The following ZSCAN2 variants were observed in gnomAD, a reference collection of about 807,000 sequenced individuals.
ZSCAN2 encodes the protein zinc finger and SCAN domain containing 2.
Under a neutral mutation model 47.8 loss-of-function variants are expected in ZSCAN2, and 26 were observed. The ratio of observed to expected loss-of-function variants is 0.54; its 90% confidence interval spans 0.40 to 0.75. ZSCAN2 has a LOEUF of 0.75. Among genes scored for constraint, ZSCAN2 ranks in the 30% least tolerant of loss-of-function variants. ZSCAN2 has a pLI of 0.00. For synonymous variants in ZSCAN2, 305 were observed against 288.7 expected (o/e 1.06, Z -0.57); for missense variants, 732 against 785.4 (o/e 0.93, Z 0.81).
In ZSCAN2 at chr15:84,606,937, C is replaced by T. The variant is rs576680339; in HGVS notation, c.406+2604C>T. The T allele has an allele frequency of 5.5e-5, 52 of 949,222 alleles. No homozygotes were observed. The Admixed American group carries it at 6.9e-4, about 13-fold the overall frequency. 58.8% of individuals were successfully genotyped at this position (949,222 alleles called of 1,614,324 possible). A position where few individuals can be genotyped will look rare whatever the true frequency, so the allele number is the denominator to read the frequency against. ...CTTCATCCCTTCTCAAACATTTACT[C>T]GACATAAGGCCGCGTGACCTCTATT... On this transcript the variant is annotated intron_variant, in intron 2 of 2. Coordinates refer to ENST00000546148, the MANE Select transcript of ZSCAN2 (RefSeq NM_181877.4).
intron 1 of ZSCAN2, chr15:84,602,164 T>C (rs1296851320): frequency 2.0e-5 from 3 of 152,118 alleles, no homozygotes; most frequent in Admixed American, 2.0e-4. Flanking sequence ...TTGGTCAGGC[T>C]GGTCTCGATC....
At chr15:84,613,264 A>G (rs1436058887) in intron 2 of ZSCAN2, among the ~76,000 whole-genome samples, 2 of 151,872 alleles carry the variant, frequency 1.3e-5, no homozygotes, top group African/African-American at 4.8e-5. Context: ...TGGAGTTTTT[A>G]TTTTGTTTAT....
At chr15:84,611,030 A>C (rs558245419) in intron 2 of ZSCAN2, among the ~76,000 whole-genome samples, 58 of 152,314 alleles carry the variant, frequency 3.8e-4, no homozygotes, top group African/African-American at 1.4e-3. Flanking sequence ...GTGGTGGCTC[A>C]CGCCTGTTAT....
rs1443431733 is a variant in ZSCAN2 at position 84,623,317 on chromosome 15, C to T, written c.*1277C>T. 2 of 192,944 alleles carry T rather than the reference C, an allele frequency of 1.0e-5. No homozygotes were observed. Among genetic ancestry groups the T allele is most frequent in the Non-Finnish European group, 2.4e-5 (2 of 84,890 alleles). The allele number at this position is 192,944 out of a possible 1,614,324, so 12.0% of individuals were successfully genotyped here. On this transcript the variant is annotated 3_prime_UTR_variant, in exon 3 of 3. Transcript: ENST00000546148. The stretch of plus-strand genomic sequence containing the variant: ...CCGCGTTAGCCAGGATGGTTTCGAT[C>T]TCCTGTCCTCGTGATCTGCCCGCCT...
Position 84,621,465 on chromosome 15 carries a change from G to A in ZSCAN2, c.1270G>A (p.Gly424Arg), listed in dbSNP as rs1221430489. ...GAAACCCTACCAGTGCAGCGAGTGTGGGAAAAGCTTCAGCCGCAGCTCTAA... is the reference window on the plus strand; with the variant it reads ...GAAACCCTACCAGTGCAGCGAGTGTAGGAAAAGCTTCAGCCGCAGCTCTAA... ...GEKPYQCSEC[G>R]KSFSRSSNLA... is the part of the protein sequence containing the mutation. The change falls in exon 3 of 3, where the codon GGG becomes AGG. Residue 424 changes from glycine (G) to arginine (R), a missense_variant. Physicochemically the swap from Gly to Arg is moderately radical, Grantham distance 125. Around this residue, in one of 2 missense-constraint regions of ZSCAN2, gnomAD observed 412 missense variants for 498.0 expected, o/e 0.83. Coordinates refer to ENST00000546148, the MANE Select transcript of ZSCAN2 (RefSeq NM_181877.4). This position sits in a 1 kb window ranked among gnomAD's most constrained non-coding sequence, Gnocchi z 5.7. 1.2e-6 allele frequency: 2 copies of A among 1,614,034 alleles called. No homozygotes were observed. The highest frequency in any genetic ancestry group is 1.3e-5 in the African/African-American group (1 of 74,902).
At chr15:84,616,644 A>T in intron 2 of ZSCAN2, 2 of 1,160,246 alleles carry the variant, frequency 1.7e-6, no homozygotes, top group Non-Finnish European at 2.1e-6. Context: ...TTGGAGAGCT[A>T]ACCAGTTCTG....
chr15:84,613,241 T>C (rs1212091517), intron 2 of ZSCAN2, among the ~76,000 whole-genome samples: 10 of 152,250 alleles, frequency 6.6e-5, no homozygotes, highest in Admixed American at 5.9e-4. Context: ...TACATATCTA[T>C]TGAATCTATT....
rs557650132 is a variant in ZSCAN2 at position 84,616,625 on chromosome 15, C to T, written c.407-3977C>T. On this transcript the variant is annotated intron_variant, in intron 2 of 2. Coordinates refer to ENST00000546148, the MANE Select transcript of ZSCAN2 (RefSeq NM_181877.4). ...ATTTTACTTGTTTTCCTTGTTGCTTCCGAGCTCATTGGAGAGCTAACCAGT... is the reference window on the plus strand; with the variant it reads ...ATTTTACTTGTTTTCCTTGTTGCTTTCGAGCTCATTGGAGAGCTAACCAGT... The T allele has an allele frequency of 6.7e-6, 8 of 1,202,330 alleles. No individual in the cohort carries two copies. In the Admixed American group the frequency reaches 3.6e-4, roughly 54 times the overall value. The allele number at this position is 1,202,330 out of a possible 1,614,324, so 74.5% of individuals were successfully genotyped here.
Position 84,621,589 on chromosome 15 carries a change from A to C in ZSCAN2, c.1394A>C (p.Gln465Pro), listed in dbSNP as rs200692065. 1.2e-6 allele frequency: 2 copies of C among 1,614,066 alleles called. No homozygotes were observed. Among genetic ancestry groups the C allele is most frequent in the Non-Finnish European group, 1.7e-6 (2 of 1,180,014 alleles). The change falls in exon 3 of 3, where the codon CAG (glutamine) becomes CCG (proline). Residue 465 changes from glutamine (Q) to proline (P), a missense_variant. This residue lies in a region of ZSCAN2 where 412 missense variants were observed against 498.0 expected (regional missense o/e 0.83). Transcript: ENST00000546148. This position sits in a 1 kb window ranked among gnomAD's most constrained non-coding sequence, Gnocchi z 5.7. ...CAGAGCTCCAGTCTGATTGCACACC[A>C]GGGCATGCACACAGGGGAGAAACCC... Reference protein sequence around the residue: ...FSQSSSLIAHQGMHTGEKPYE... With the variant: ...FSQSSSLIAHPGMHTGEKPYE...
chr15:84,606,469 A>G (rs1196757196), intron 2 of ZSCAN2: 8 of 1,418,200 alleles, frequency 5.6e-6, no homozygotes, highest in East Asian at 2.3e-5. Context: ...TGGCCCTGAA[A>G]AAATAACTGC....
chr15:84,621,025 C>T lies in ZSCAN2; in HGVS notation c.830C>T (p.Pro277Leu). 1 of 1,614,094 alleles carries T rather than the reference C, an allele frequency of 6.2e-7. No individual in the cohort carries two copies. ...CAAACCACTCACACCGGGGAGAAGC[C>T]CTACAAATGCAGAGACTGTGGGAAG... is the stretch of plus-strand genomic sequence containing the variant. ...RHQTTHTGEK[P>L]YKCRDCGKSF... Residue 277 changes from proline to leucine, a missense_variant, in exon 3 of 3, where the codon CCC (proline) becomes CTC (leucine). Coordinates refer to ENST00000546148, the MANE Select transcript of ZSCAN2 (RefSeq NM_181877.4). The surrounding 1 kb of genome is among the most constrained non-coding windows in gnomAD (Gnocchi z 5.7).
rs148862407 is a variant in ZSCAN2 at position 84,621,200 on chromosome 15, G to A, written c.1005G>A (p.Ser335=). The A allele has an allele frequency of 1.4e-5, 23 of 1,613,858 alleles. No homozygotes were observed. Among genetic ancestry groups the A allele is most frequent in the African/African-American group, 1.2e-4 (9 of 74,906 alleles). The stretch of plus-strand genomic sequence containing the variant: ...CCCACACAGGAGAGAAACCCTACTC[G>A]TGCCCCGAGTGTGGAAAGAGCTTTG... ...QRTHTGEKPY[S]CPECGKSFGN... is the part of the protein sequence containing the mutation. Residue 335 remains serine, a synonymous_variant, in exon 3 of 3, where the codon TCG becomes TCA. Transcript: ENST00000546148. This position sits in a 1 kb window ranked among gnomAD's most constrained non-coding sequence, Gnocchi z 5.7.
intron 1 of ZSCAN2, among the ~76,000 whole-genome samples, chr15:84,602,413 G>A (rs996335126): frequency 1.3e-5 from 2 of 152,000 alleles, no homozygotes; most frequent in Admixed American, 6.6e-5. Context: ...AACATACAGC[G>A]TAATGTGCAG....
chr15:84,613,981 C>T (rs1467987959), intron 2 of ZSCAN2, among the ~76,000 whole-genome samples: 6 of 52,348 alleles, frequency 1.1e-4, no homozygotes, highest in African/African-American at 1.5e-4. Flanking sequence ...CTCTTGGCCT[C>T]TTTTTTTTTT....
chr15:84,602,738 G>A (rs996198759), intron 1 of ZSCAN2, among the ~76,000 whole-genome samples: 5 of 151,846 alleles, frequency 3.3e-5, no homozygotes, highest in African/African-American at 7.3e-5. Context: ...ACAGGCGCCC[G>A]TCACCATGCC....
intron 2 of ZSCAN2, chr15:84,611,843 A>G (rs1438184956): frequency 6.6e-6 from 1 of 152,200 alleles, no homozygotes; most frequent in Admixed American, 6.5e-5. Context: ...CCGCCTCCCT[A>G]CATCTACTCA....
rs752463503 is a variant in ZSCAN2, at chr15:84,620,756, C to T, written c.561C>T (p.Leu187=). ...DFERDAGIQR[L]QGHSPGEDHG... The stretch of plus-strand genomic sequence containing the variant: ...AGAGAGATGCTGGCATCCAGAGGCT[C>T]CAGGGACACAGCCCAGGTGAGGACC... Residue 187 remains leucine, a synonymous_variant, in exon 3 of 3, where the codon CTC becomes CTT. Coordinates refer to ENST00000546148, the MANE Select transcript of ZSCAN2 (RefSeq NM_181877.4). 56 of 1,614,074 alleles carry T rather than the reference C, an allele frequency of 3.5e-5. No homozygotes were observed. In the Admixed American group the frequency reaches 8.0e-4, roughly 23 times the overall value.
chr15:84,616,299 T>G (rs1185538007), intron 2 of ZSCAN2: 1 of 1,302,800 alleles, frequency 7.7e-7, no homozygotes, highest in Non-Finnish European at 1.1e-6. Flanking sequence ...TTTCCTTCTC[T>G]GCTTTCCAGA....
At chr15:84,619,096 T>C (rs1895757561) in intron 2 of ZSCAN2, among the ~76,000 whole-genome samples, 1 of 152,184 alleles carries the variant, frequency 6.6e-6, no homozygotes, top group Non-Finnish European at 1.5e-5. Context: ...ATTTGGGCAC[T>C]GGAAGGTTTA....
Sources: allele counts gnomAD v4.1 joint callset (sites outside exome capture counted in the v4.1 genomes callset), GRCh38; gene constraint gnomAD v4.1.1; regional missense constraint gnomAD v4.1.1; non-coding constraint Gnocchi (gnomAD v3.1); transcripts MANE v1.5; gene names NCBI Gene and HGNC (gene_info 2026-07-23, HGNC 2026-07-21).